Variants in PRICKLE2 observed in about 807,000 individuals in gnomAD.
PRICKLE2 encodes the protein prickle-like protein 2.
PRICKLE2 carries 21 observed loss-of-function variants against 81.4 expected under a neutral mutation model. That is an observed-to-expected ratio of 0.26 (90% CI 0.18 to 0.37). PRICKLE2 has a LOEUF of 0.37. PRICKLE2 is among the 10% of genes least tolerant of loss of function. The pLI is 1.00. For synonymous variants in PRICKLE2, 456 were observed against 421.5 expected, an observed-to-expected ratio of 1.08 and a Z score of -1.00; for missense variants, 940 against 1,109.0, an observed-to-expected ratio of 0.85 and a Z score of 2.16.
intron 2 of PRICKLE2, among the ~76,000 whole-genome samples, chr3:64,237,319 G>C (rs2079197163): frequency 6.6e-6 from 1 of 152,126 alleles, no homozygotes; most frequent in African/African-American, 2.4e-5. Flanking sequence ...TTGCACAAAT[G>C]AATTGAAGAT....
At chr3:64,153,128 AC>A in intron 6 of PRICKLE2, 53 bp downstream of exon 6, 1 of 1,530,102 alleles carries the variant, frequency 6.5e-7, no homozygotes, top group Non-Finnish European at 9.1e-7. Flanking sequence ...TACACCCAAA[AC>A]AAAGGTGACC....
At chr3:64,258,014 C>T (rs904924837) in intron 2 of PRICKLE2, among the ~76,000 whole-genome samples, 6 of 152,244 alleles carry the variant, frequency 3.9e-5, no homozygotes, top group African/African-American at 1.4e-4. Flanking sequence ...CATCAAACAC[C>T]GAACCTGCAG....
chr3:64,200,930 AT>A (rs61117605), intron 1 of PRICKLE2: 4,832 of 119,598 alleles, frequency 0.04, 132 homozygotes, highest in African/African-American at 0.1. Flanking sequence ...TATGTTTTTA[AT>A]TTTTTTTTTT....
chr3:64,143,458 T>C (rs1047285492), intron 7 of PRICKLE2, among the ~76,000 whole-genome samples: 1 of 152,176 alleles, frequency 6.6e-6, no homozygotes, highest in Admixed American at 6.5e-5. Context: ...TCTTTAGGAA[T>C]GGAAACCGCG....
chr3:64,216,135 G>C (rs2107142415), intron 1 of PRICKLE2, among the ~76,000 whole-genome samples: 1 of 152,266 alleles, frequency 6.6e-6, no homozygotes, highest in Admixed American at 6.5e-5. Context: ...TATCTGCTCT[G>C]GGGCAGAAAA....
At chr3:64,239,759 G>A (rs1037165862) in intron 2 of PRICKLE2, among the ~76,000 whole-genome samples, 13 of 151,864 alleles carry the variant, frequency 8.6e-5, no homozygotes, top group Non-Finnish European at 1.8e-4. Context: ...ATTATTAAGT[G>A]TAAGCATCCG....
At chr3:64,173,030 A>G (rs1395100400) in intron 2 of PRICKLE2, among the ~76,000 whole-genome samples, 1 of 152,206 alleles carries the variant, frequency 6.6e-6, no homozygotes, top group Non-Finnish European at 1.5e-5. Context: ...ACGCAAGTGT[A>G]AGGAACTGTT....
intron 7 of PRICKLE2, among the ~76,000 whole-genome samples, chr3:64,108,840 C>T (rs1476342417): frequency 1.3e-5 from 2 of 152,160 alleles, no homozygotes; most frequent in African/African-American, 4.8e-5. Flanking sequence ...GTACTACTGA[C>T]ATTTCGGGCT....
At chr3:64,104,531 A>G (rs1433367189) in intron 7 of PRICKLE2, 4 of 152,208 alleles carry the variant, frequency 2.6e-5, no homozygotes, top group Non-Finnish European at 5.9e-5. Flanking sequence ...TTGTGAACAG[A>G]TTCCTATTTC....
Position 64,224,651 on chromosome 3 carries a change from G to A in PRICKLE2, c.-41+259C>T, listed in dbSNP as rs78775987. ...AAGAAAGCTACACTTTTAGAGAAAC[G>A]CTGCTTCTTCTTAAGCATCAAGATT... On this transcript the variant is annotated intron_variant, in intron 1 of 7. Coordinates refer to ENST00000638394, the MANE Select transcript of PRICKLE2 (RefSeq NM_198859.4). 6.0e-3 allele frequency among the ~76,000 whole-genome samples: 917 copies of A among 152,172 alleles called. 11 individuals carry two copies. The highest frequency in any genetic ancestry group is 0.021 in the African/African-American group (860 of 41,516).
chr3:64,256,615 C>T (rs1453598832), intron 2 of PRICKLE2, among the ~76,000 whole-genome samples: 1 of 152,144 alleles, frequency 6.6e-6, no homozygotes, highest in Non-Finnish European at 1.5e-5. Flanking sequence ...TCAAAAAAAG[C>T]CTGGCACAAA....
chr3:64,146,963 C>T lies in PRICKLE2; in HGVS notation c.1527G>A (p.Glu509=), dbSNP rs144455095. Residue 509 remains glutamate (E), a synonymous_variant, in exon 7 of 8, where the codon GAG becomes GAA. Transcript: ENST00000638394. ...QVPKYEEEEE[E]EGGLSTQQCR... Reference sequence around the variant, plus strand: ...ACTGCTGAGTGGACAAGCCCCCTTCCTCTTCCTCTTCCTCCTCATATTTGG... The same window carrying T: ...ACTGCTGAGTGGACAAGCCCCCTTCTTCTTCCTCTTCCTCCTCATATTTGG... 629 of 1,614,016 alleles carry T rather than the reference C, an allele frequency of 3.9e-4. 1 individual carries two copies. The African/African-American group carries it at 6.4e-3, about 17-fold the overall frequency.
intron 2 of PRICKLE2, among the ~76,000 whole-genome samples, chr3:64,238,508 GAAAA>G (rs1208671054): frequency 6.6e-6 from 1 of 150,448 alleles, no homozygotes. Flanking sequence ...AAAGAAAAAA[GAAAA>G]GAAAAGAAAA....
intron 4 of PRICKLE2, among the ~76,000 whole-genome samples, chr3:64,157,840 C>A (rs957231953): frequency 6.6e-6 from 1 of 152,214 alleles, no homozygotes; most frequent in Non-Finnish European, 1.5e-5. Context: ...GGATACATAA[C>A]AGCACGCTCA....
chr3:64,176,239 G>A (rs1271771876), intron 2 of PRICKLE2, among the ~76,000 whole-genome samples: 4 of 152,160 alleles, frequency 2.6e-5, no homozygotes, highest in African/African-American at 2.4e-5. Flanking sequence ...ATCAGGTTCC[G>A]TTATTAGGAA....
At chr3:64,120,365 G>T (rs1011506702) in intron 7 of PRICKLE2, among the ~76,000 whole-genome samples, 2 of 152,102 alleles carry the variant, frequency 1.3e-5, no homozygotes, top group Non-Finnish European at 2.9e-5. Context: ...AAATGCACTG[G>T]TGCTTCCGGA....
chr3:64,225,568 T>C (rs2079020048), upstream of PRICKLE2: 1 of 486,450 alleles, frequency 2.1e-6, no homozygotes, highest in Non-Finnish European at 2.7e-6. Flanking sequence ...TATTTACATG[T>C]AAATTAGCCT....
chr3:64,122,916 C>T (rs1203273370), intron 7 of PRICKLE2, among the ~76,000 whole-genome samples: 1 of 152,150 alleles, frequency 6.6e-6, no homozygotes, highest in Non-Finnish European at 1.5e-5. Flanking sequence ...GAGGGAGGAA[C>T]TTTGCTTGGT....
chr3:64,237,859 G>A (rs1214354382), intron 2 of PRICKLE2, among the ~76,000 whole-genome samples: 1 of 152,038 alleles, frequency 6.6e-6, no homozygotes. Context: ...ACTCCTCTTG[G>A]CTTGCCAGGA....
Sources: allele counts gnomAD v4.1 joint callset (sites outside exome capture counted in the v4.1 genomes callset), GRCh38; gene constraint gnomAD v4.1.1; transcripts MANE v1.5; gene names NCBI Gene and HGNC (gene_info 2026-07-23, HGNC 2026-07-21).